Variants in NRXN1 observed in about 807,000 individuals in gnomAD.
The protein encoded by NRXN1 is neurexin 1.
Under a neutral mutation model 150.9 loss-of-function variants are expected in NRXN1, and 39 were observed. The observed-to-expected ratio is 0.26, with a 90% CI of 0.20 to 0.34. NRXN1 has a LOEUF of 0.34. Among genes scored for constraint, NRXN1 ranks in the 10% least tolerant of loss-of-function variants. The probability of loss-of-function intolerance (pLI) is 1.00; values close to 1 mark genes in which losing one functional copy is unlikely to be tolerated. For synonymous variants in NRXN1, 924 were observed against 757.0 expected, an observed-to-expected ratio of 1.22 and a Z score of -3.62; for missense variants, 1,815 against 1,949.9, an observed-to-expected ratio of 0.93 and a Z score of 1.30.
At chr2:50,272,570 G>A (rs946227003) in intron 17 of NRXN1, among the ~76,000 whole-genome samples, 1 of 152,074 alleles carries the variant, frequency 6.6e-6, no homozygotes, top group African/African-American at 2.4e-5. Context: ...TCTGAAACAA[G>A]AGTCTGAAGA....
At chr2:50,313,311 TGATTC>T (rs899405150) in intron 17 of NRXN1, among the ~76,000 whole-genome samples, 6 of 152,128 alleles carry the variant, frequency 3.9e-5, no homozygotes, top group Admixed American at 3.3e-4. Flanking sequence ...TATTATGATT[TGATTC>T]TTCACTGACA....
At chr2:50,811,301 T>C (rs185155415) in intron 5 of NRXN1, among the ~76,000 whole-genome samples, 1 of 152,284 alleles carries the variant, frequency 6.6e-6, no homozygotes, top group African/African-American at 2.4e-5. Flanking sequence ...CACTTAAATT[T>C]TCTTTTATCC....
At chr2:50,894,627 C>T (rs1318563972) in intron 5 of NRXN1, among the ~76,000 whole-genome samples, 1 of 151,948 alleles carries the variant, frequency 6.6e-6, no homozygotes, top group African/African-American at 2.4e-5. Context: ...CATTTAACAC[C>T]TCAGTCCATG....
In NRXN1 at chr2:50,347,221, C is replaced by T. The variant is rs1445285026; in HGVS notation, c.3365-110251G>A. ...AAGGCAGCCCCGGGAACAGCAAGCG[C>T]GGAGCGGGTGGCTGCTCCCAGATTT... On this transcript the variant is annotated intron_variant, in intron 17 of 22. Transcript: ENST00000401669. This position sits in a 1 kb window ranked among gnomAD's most constrained non-coding sequence, Gnocchi z 4.9. 7.5e-7 allele frequency: 1 copy of T among 1,336,544 alleles called. No individual in the cohort carries two copies. The highest frequency in any genetic ancestry group is 2.2e-5 in the Admixed American group (1 of 44,946). 82.8% of individuals were successfully genotyped at this position (1,336,544 alleles called of 1,614,324 possible). A position where few individuals can be genotyped will look rare whatever the true frequency, so the allele number is the denominator to read the frequency against.
rs1214478816 is a variant in NRXN1, at chr2:51,028,010, G to A, written c.264C>T (p.Arg88=). ...FLELILTRGG[R]LQLSFSIFCA... is the part of the protein sequence containing the mutation. The stretch of plus-strand genomic sequence containing the variant: ...AGAAGATGGAGAAGCTGAGCTGCAG[G>A]CGGCCGCCGCGCGTCAGAATCAGCT... Residue 88 remains arginine, a synonymous_variant, in exon 2 of 23, where the codon CGC becomes CGT. Coordinates refer to ENST00000401669, the MANE Select transcript of NRXN1 (RefSeq NM_001330078.2). The A allele has an allele frequency of 6.3e-7, 1 of 1,599,350 alleles. No individual in the cohort carries two copies. Among genetic ancestry groups the A allele is most frequent in the Admixed American group, 1.7e-5 (1 of 59,858 alleles).
intron 17 of NRXN1, among the ~76,000 whole-genome samples, chr2:50,245,494 C>A (rs547460974): frequency 6.6e-6 from 1 of 151,822 alleles, no homozygotes; most frequent in South Asian, 2.1e-4. Flanking sequence ...TGTATTAAAG[C>A]TATAGGCAGC....
chr2:50,064,830 G>A (rs964099263), intron 19 of NRXN1, among the ~76,000 whole-genome samples: 1 of 152,134 alleles, frequency 6.6e-6, no homozygotes, highest in African/African-American at 2.4e-5. Context: ...TATAAAGTCA[G>A]GTAGTAGAAG....
chr2:50,230,140 A>G (rs2064801326), intron 18 of NRXN1, among the ~76,000 whole-genome samples: 1 of 152,052 alleles, frequency 6.6e-6, no homozygotes, highest in Admixed American at 6.6e-5. Context: ...TCTTTCTGCT[A>G]GCTTAGGAGG....
chr2:50,549,753 T>G (rs1667163098), intron 9 of NRXN1, among the ~76,000 whole-genome samples: 1 of 152,194 alleles, frequency 6.6e-6, no homozygotes, highest in Non-Finnish European at 1.5e-5. Context: ...GATTTTATTC[T>G]GCTTGAAGAT....
rs1439596214 is a variant in NRXN1 at position 50,805,049 on chromosome 2, A to G, written c.832+116820T>C. ...GCCTCAGTTTCATCATTTGTCAAGTAGTGCCTATCCCAGCACTTACTGTGG... is the reference window on the plus strand; with the variant it reads ...GCCTCAGTTTCATCATTTGTCAAGTGGTGCCTATCCCAGCACTTACTGTGG... On this transcript the variant is annotated intron_variant, in intron 5 of 22. Coordinates refer to ENST00000401669, the MANE Select transcript of NRXN1 (RefSeq NM_001330078.2). 1.3e-5 allele frequency among the ~76,000 whole-genome samples: 2 copies of G among 152,314 alleles called. 1 individual carries two copies. The highest frequency in any genetic ancestry group is 4.1e-4 in the South Asian group (2 of 4,832).
rs543394511 is a variant in NRXN1 at position 50,495,047 on chromosome 2, A to G, written c.3070+858T>C. Among the ~76,000 whole-genome samples the G allele has an allele frequency of 1.2e-3, 186 of 151,856 alleles. 1 individual carries two copies. The highest frequency in any genetic ancestry group is 3.7e-3 in the African/African-American group (155 of 41,378). On this transcript the variant is annotated intron_variant, in intron 15 of 22. Transcript: ENST00000401669. ...CTCTGTCTCCAAAAAAAAAAAAAAAAAGAGAGTTAAATTTTCTCTTTCCAG... is the reference window on the plus strand; with the variant it reads ...CTCTGTCTCCAAAAAAAAAAAAAAAGAGAGAGTTAAATTTTCTCTTTCCAG...
intron 17 of NRXN1, among the ~76,000 whole-genome samples, chr2:50,433,988 T>A (rs2085199502): frequency 6.6e-6 from 1 of 151,366 alleles, no homozygotes; most frequent in Non-Finnish European, 1.5e-5. Context: ...GTTCTGACTT[T>A]CACATTAAAC....
chr2:50,432,826 T>C (rs1179539844), intron 17 of NRXN1, among the ~76,000 whole-genome samples: 2 of 152,236 alleles, frequency 1.3e-5, no homozygotes, highest in African/African-American at 2.4e-5. Context: ...CAATTCAAGG[T>C]AGATTTTTTT....
At chr2:50,321,112 TATTAAC>T (rs1439802562) in intron 17 of NRXN1, among the ~76,000 whole-genome samples, 2 of 152,152 alleles carry the variant, frequency 1.3e-5, no homozygotes, top group Non-Finnish European at 2.9e-5. Context: ...ACCATATAGA[TATTAAC>T]ATTAGGTAGC....
intron 18 of NRXN1, among the ~76,000 whole-genome samples, chr2:50,149,474 A>G (rs1319959282): frequency 6.6e-6 from 1 of 151,758 alleles, no homozygotes; most frequent in Non-Finnish European, 1.5e-5. Flanking sequence ...ATGGAATACC[A>G]TATCATATCC....
At chr2:50,453,213 T>C (rs766277168) in intron 17 of NRXN1, among the ~76,000 whole-genome samples, 1 of 147,978 alleles carries the variant, frequency 6.8e-6, no homozygotes. Flanking sequence ...TAAGGGTATA[T>C]TAGAATCATA....
chr2:50,191,833 T>A (rs76369082), intron 18 of NRXN1, among the ~76,000 whole-genome samples: 26,449 of 152,152 alleles, frequency 0.17, 2,789 homozygotes, highest in East Asian at 0.4. Flanking sequence ...CATAACACAT[T>A]TTAATACATG....
chr2:50,760,811 G>A lies in NRXN1; in HGVS notation c.833-137196C>T, dbSNP rs377275327. 8.4e-4 allele frequency among the ~76,000 whole-genome samples: 128 copies of A among 151,896 alleles called. 3 individuals carry two copies. The highest frequency in any genetic ancestry group is 4.4e-4 in the Non-Finnish European group (30 of 67,900). Reference sequence around the variant, plus strand: ...AGGCAGATGTGGTAAGCAGATGGGCGGGGCATGTGTAATGTGATGAGTCCT... The same window carrying A: ...AGGCAGATGTGGTAAGCAGATGGGCAGGGCATGTGTAATGTGATGAGTCCT... On this transcript the variant is annotated intron_variant, in intron 5 of 22. Transcript: ENST00000401669.
At chr2:50,739,021 C>A (rs1699105702) in intron 5 of NRXN1, among the ~76,000 whole-genome samples, 1 of 152,080 alleles carries the variant, frequency 6.6e-6, no homozygotes, top group Admixed American at 6.6e-5. Flanking sequence ...TAGGCCTAGC[C>A]TGGAATTCAA....
Sources: allele counts gnomAD v4.1 joint callset (sites outside exome capture counted in the v4.1 genomes callset), GRCh38; gene constraint gnomAD v4.1.1; non-coding constraint Gnocchi (gnomAD v3.1); transcripts MANE v1.5; gene names NCBI Gene and HGNC (gene_info 2026-07-23, HGNC 2026-07-21).